Variants in SSBP3 observed in about 807,000 individuals in gnomAD.
SSBP3 encodes the protein single stranded DNA binding protein 3.
Under a neutral mutation model 69.6 loss-of-function variants are expected in SSBP3, and 5 were observed. That is an observed-to-expected ratio of 0.07 (90% CI 0.04 to 0.15). The LOEUF (loss-of-function observed/expected upper bound fraction) is 0.15, where lower values mean the gene tolerates loss of function less well. Among genes scored for constraint, SSBP3 ranks in the 10% least tolerant of loss-of-function variants. SSBP3 has a pLI of 1.00. For missense variants in SSBP3, 312 were observed against 534.0 expected (o/e 0.58, Z 4.10); for synonymous variants, 196 against 193.4 (o/e 1.01, Z -0.11).
chr1:54,361,130 T>C (rs112713615), intron 4 of SSBP3, among the ~76,000 whole-genome samples: 6,696 of 152,062 alleles, frequency 0.044, 334 homozygotes, highest in African/African-American at 0.12. Context: ...TAAAAGCAGT[T>C]TGCATAGAGA....
intron 4 of SSBP3, among the ~76,000 whole-genome samples, chr1:54,334,213 G>A (rs951060587): frequency 1.3e-5 from 2 of 151,982 alleles, no homozygotes; most frequent in African/African-American, 2.4e-5. Flanking sequence ...TTAGCTGGGC[G>A]TGGTGGTGCG....
At chr1:54,316,665 T>A (rs201551498) in intron 4 of SSBP3, among the ~76,000 whole-genome samples, 793 of 20,464 alleles carry the variant, frequency 0.039, 140 homozygotes, top group Admixed American at 0.059. Flanking sequence ...AAAAATAAAA[T>A]AAATAAATAA....
chr1:54,402,202 T>C (rs544109111), intron 3 of SSBP3, among the ~76,000 whole-genome samples: 2 of 152,234 alleles, frequency 1.3e-5, no homozygotes, highest in Non-Finnish European at 2.9e-5. Flanking sequence ...CCCGTATTAC[T>C]TGTGTCTACC....
intron 4 of SSBP3, among the ~76,000 whole-genome samples, chr1:54,351,386 A>T (rs1469248687): frequency 6.6e-6 from 1 of 152,284 alleles, no homozygotes; most frequent in Admixed American, 6.5e-5. Context: ...GGAAGGATGA[A>T]ATTAGATTAT....
chr1:54,360,981 G>A (rs1010118614), intron 4 of SSBP3, among the ~76,000 whole-genome samples: 3 of 151,720 alleles, frequency 2.0e-5, no homozygotes, highest in Non-Finnish European at 2.9e-5. Context: ...TCCCAGCTAC[G>A]TTGGAGGCTG....
At chr1:54,302,334 T>C (rs79053099) in intron 4 of SSBP3, among the ~76,000 whole-genome samples, 2 of 150,796 alleles carry the variant, frequency 1.3e-5, no homozygotes, top group African/African-American at 4.9e-5. Flanking sequence ...TTTTTTTTTT[T>C]CCTGAGAAGG....
intron 10 of SSBP3, 54 bp from the exon 11 acceptor site, chr1:54,242,266 G>A: frequency 1.9e-6 from 3 of 1,602,698 alleles, no homozygotes; most frequent in Non-Finnish European, 2.6e-6. Context: ...TAAACTCCAA[G>A]CGGTGGAGGC....
chr1:54,312,116 C>A (rs1255887554), intron 4 of SSBP3, among the ~76,000 whole-genome samples: 3 of 152,134 alleles, frequency 2.0e-5, no homozygotes, highest in African/African-American at 7.2e-5. Flanking sequence ...AAGGAGGGTG[C>A]AGCTTGGGAT....
intron 4 of SSBP3, among the ~76,000 whole-genome samples, chr1:54,333,348 C>T (rs1219879657): frequency 2.0e-5 from 3 of 152,188 alleles, no homozygotes; most frequent in African/African-American, 7.2e-5. Flanking sequence ...CCCATTTATA[C>T]AGCCATGCTC....
intron 4 of SSBP3, among the ~76,000 whole-genome samples, chr1:54,293,009 G>A (rs1484682028): frequency 6.6e-6 from 1 of 152,074 alleles, no homozygotes; most frequent in Non-Finnish European, 1.5e-5. Context: ...ATACAGAGGG[G>A]ATGAAGAGAT....
rs925461262 is a variant in SSBP3, at chr1:54,311,239, A to G, written c.277-29712T>C. 4.6e-5 allele frequency among the ~76,000 whole-genome samples: 7 copies of G among 152,236 alleles called. No individual in the cohort carries two copies. In the East Asian group the frequency reaches 1.4e-3, roughly 29 times the overall value. ...AGACGGAAATCCACCACCAGTGAAG[A>G]CCAGGGTCCTCCCTGACTTAATGCA... On this transcript the variant is annotated intron_variant, in intron 4 of 17. Transcript: ENST00000610401.
rs777124262 is a variant in SSBP3 at position 54,258,262 on chromosome 1, G to C, written c.367-113C>G. On this transcript the variant is annotated intron_variant, in intron 5 of 17. Coordinates refer to ENST00000610401, the Ensembl canonical transcript of SSBP3. This position sits in a 1 kb window ranked among gnomAD's most constrained non-coding sequence, Gnocchi z 4.5. ...AACGAAGGGTGGGCGGCGGGCGTGC[G>C]GGGGGGTGGGCTCTGGTTGGTGGGA... The C allele has an allele frequency of 5.2e-6, 4 of 765,246 alleles. No individual in the cohort carries two copies. Among genetic ancestry groups the C allele is most frequent in the Non-Finnish European group, 7.5e-6 (4 of 532,484 alleles). The allele number at this position is 765,246 out of a possible 1,614,324, so 47.4% of individuals were successfully genotyped here. A position where few individuals can be genotyped will look rare whatever the true frequency, so the allele number is the denominator to read the frequency against.
At chr1:54,336,597 G>A (rs977720927) in intron 4 of SSBP3, among the ~76,000 whole-genome samples, 1 of 152,150 alleles carries the variant, frequency 6.6e-6, no homozygotes, top group African/African-American at 2.4e-5. Context: ...AAAGTCAACA[G>A]AGTAAGGTTT....
At chr1:54,247,055 C>G (rs941791216) in intron 9 of SSBP3, among the ~76,000 whole-genome samples, 1 of 152,208 alleles carries the variant, frequency 6.6e-6, no homozygotes, top group African/African-American at 2.4e-5. Context: ...CCAGTGCAGC[C>G]GTGGGGCTGG....
rs1400391422 is a variant in SSBP3 at position 54,334,181 on chromosome 1, G to A, written c.277-52654C>T. ...ATCCTGGCCAACATGGTGAAACCCT[G>A]TCTCTACTAAAAATACAAAAATTAG... is the stretch of plus-strand genomic sequence containing the variant. On this transcript the variant is annotated intron_variant, in intron 4 of 17. Transcript: ENST00000610401. Among the ~76,000 whole-genome samples the A allele has an allele frequency of 3.3e-5, 5 of 152,056 alleles. No homozygotes were observed. The East Asian group carries it at 5.8e-4, about 18-fold the overall frequency.
chr1:54,394,057 G>T (rs1648684849), intron 4 of SSBP3, among the ~76,000 whole-genome samples: 1 of 152,206 alleles, frequency 6.6e-6, no homozygotes, highest in African/African-American at 2.4e-5. Context: ...ACTGCGCCCG[G>T]CCTGGTATAC....
At chr1:54,289,933 G>C (rs1645574167) in intron 4 of SSBP3, among the ~76,000 whole-genome samples, 1 of 152,100 alleles carries the variant, frequency 6.6e-6, no homozygotes, top group Non-Finnish European at 1.5e-5. Context: ...GGTCCCTTGT[G>C]ACCCAGCTCA....
chr1:54,252,943 G>A (rs1644855133), intron 7 of SSBP3, among the ~76,000 whole-genome samples: 1 of 152,218 alleles, frequency 6.6e-6, no homozygotes, highest in Non-Finnish European at 1.5e-5. Flanking sequence ...AGCCCAGGCT[G>A]TGCTGCTGTG....
chr1:54,392,546 C>T (rs917864952), intron 4 of SSBP3, among the ~76,000 whole-genome samples: 1 of 152,216 alleles, frequency 6.6e-6, no homozygotes, highest in African/African-American at 2.4e-5. Context: ...CCAGTCATGA[C>T]CCACTAAGTT....
Sources: allele counts gnomAD v4.1 joint callset (sites outside exome capture counted in the v4.1 genomes callset), GRCh38; gene constraint gnomAD v4.1.1; non-coding constraint Gnocchi (gnomAD v3.1); transcripts MANE v1.5; gene names NCBI Gene and HGNC (gene_info 2026-07-23, HGNC 2026-07-21).